TAB1: variants seen among roughly 807,000 people sequenced by gnomAD.
TAB1 encodes the protein TGF-beta activated kinase 1 (MAP3K7) binding protein 1, also known as TGF-beta-activated kinase 1 and MAP3K7-binding protein 1.
A neutral mutation model predicts 54.5 loss-of-function variants in TAB1; 30 were observed. The ratio of observed to expected loss-of-function variants is 0.55; its 90% CI spans 0.41 to 0.75. The LOEUF (loss-of-function observed/expected upper bound fraction) is 0.75. TAB1 is among the 30% of genes least tolerant of loss of function. The pLI, the probability that TAB1 is intolerant of heterozygous loss-of-function variation, is 0.00. For missense variants in TAB1, 609 were observed against 683.2 expected (o/e 0.89, Z 1.21); for synonymous variants, 289 against 286.9 (o/e 1.01, Z -0.07).
chr22:39,436,630 C>T (rs777939767), downstream of TAB1: 9 of 1,378,570 alleles, frequency 6.5e-6, no homozygotes, highest in South Asian at 2.3e-5. Context: ...GGGGTTTTGT[C>T]GCCTGGTCTG....
At chr22:39,425,779 C>T (rs1927303027) in intron 8 of TAB1, among the ~76,000 whole-genome samples, 1 of 151,614 alleles carries the variant, frequency 6.6e-6, no homozygotes, top group Non-Finnish European at 1.5e-5. Context: ...ATCTCCTGAC[C>T]TCATGATCGG....
At position 39,426,784 on chromosome 22, in the gene TAB1, A is replaced by G; in HGVS notation, c.1003A>G (p.Lys335Glu). 6.2e-7 allele frequency: 1 copy of G among 1,614,094 alleles called. No individual in the cohort carries two copies. The highest frequency in any genetic ancestry group is 1.7e-5 in the Admixed American group (1 of 60,036). Residue 335 changes from lysine (K) to glutamate (E), a missense_variant, in exon 9 of 11, where the codon AAG (lysine) becomes GAG (glutamate). Transcript: ENST00000216160. ...AVAQAVVDRVKRIHSDTFASG... is the reference protein window; with the variant it reads ...AVAQAVVDRVERIHSDTFASG... ...GGCCCAGGCCGTCGTGGACCGGGTGAAGCGCATCCACAGCGACACCTTCGC... is the reference window on the plus strand; with the variant it reads ...GGCCCAGGCCGTCGTGGACCGGGTGGAGCGCATCCACAGCGACACCTTCGC...
At chr22:39,425,731 A>G (rs1482388705) in intron 8 of TAB1, among the ~76,000 whole-genome samples, 1 of 150,802 alleles carries the variant, frequency 6.6e-6, no homozygotes, top group Admixed American at 6.6e-5. Context: ...TATTTTTAGT[A>G]GAGATGGGGT....
intron 8 of TAB1, among the ~76,000 whole-genome samples, chr22:39,426,134 CA>C (rs1927324522): frequency 6.6e-6 from 1 of 152,234 alleles, no homozygotes; most frequent in South Asian, 2.1e-4. Flanking sequence ...GCTGGGATTA[CA>C]GGCGCAAGCC....
At chr22:39,434,371 G>A (rs935963273), downstream of TAB1, among the ~76,000 whole-genome samples, 5 of 152,276 alleles carry the variant, frequency 3.3e-5, no homozygotes, top group African/African-American at 7.2e-5. Context: ...GGCAGCGGGC[G>A]TGGTTCTGGC....
intron 6 of TAB1, 145 bp downstream of exon 6, chr22:39,418,990 G>A: frequency 1.5e-6 from 1 of 664,590 alleles, no homozygotes; most frequent in South Asian, 1.7e-5. Context: ...TCCCAGCACT[G>A]CCGCTTACTG....
At chr22:39,433,710 G>A, downstream of TAB1, 2 of 985,454 alleles carry the variant, frequency 2.0e-6, no homozygotes, top group African/African-American at 3.5e-5. Context: ...GTGTCGGGAT[G>A]TTCCTGCCAG....
chr22:39,415,536 C>T lies in TAB1; in HGVS notation c.207C>T (p.Asn69=), dbSNP rs199747453. 1.2e-4 allele frequency: 188 copies of T among 1,614,206 alleles called. No individual in the cohort carries two copies. The highest frequency in any genetic ancestry group is 6.8e-4 in the South Asian group (62 of 91,082). ...ENNCFLYGVF[N]GYDGNRVTNF... Reference sequence around the variant, plus strand: ...ACTGCTTCCTGTATGGGGTCTTCAACGGCTATGATGGCAACCGAGTGACCA... The same window carrying T: ...ACTGCTTCCTGTATGGGGTCTTCAATGGCTATGATGGCAACCGAGTGACCA... The change falls in exon 3 of 11, where the codon AAC becomes AAT. Residue 69 remains asparagine (N), a synonymous_variant. Coordinates refer to ENST00000216160, the MANE Select transcript of TAB1 (RefSeq NM_006116.3). This position sits in a 1 kb window ranked among gnomAD's most constrained non-coding sequence, Gnocchi z 4.9.
Position 39,416,821 on chromosome 22 carries a change from GA to G in TAB1, c.356del (p.Glu119GlyfsTer40). On this transcript the variant is annotated frameshift_variant, in exon 4 of 11. Transcript: ENST00000216160. LOFTEE classifies it high-confidence loss of function. ...AFDVVERSFLESIDDALAEKA... is the reference protein window; with the variant it reads ...AFDVVERSFLXSIDDALAEKA... ...CGATGTGGTGGAGAGGAGCTTCCTG[GA>G]GTCCATTGACGACGCCTTGGCTGAG... 6.8e-6 allele frequency: 11 copies of G among 1,614,232 alleles called. No homozygotes were observed. Among genetic ancestry groups the G allele is most frequent in the Non-Finnish European group, 9.3e-6 (11 of 1,180,044 alleles).
At chr22:39,436,375 A>C, downstream of TAB1, 1 of 773,470 alleles carries the variant, frequency 1.3e-6, no homozygotes. Flanking sequence ...CCTGGCAAAG[A>C]GTTGGTATCC....
intron 1 of TAB1, among the ~76,000 whole-genome samples, chr22:39,407,988 G>A (rs1331621257): frequency 6.6e-6 from 1 of 152,210 alleles, no homozygotes; most frequent in Non-Finnish European, 1.5e-5. Context: ...GAAGTATACA[G>A]AGTAGCATGT....
intron 1 of TAB1, among the ~76,000 whole-genome samples, chr22:39,407,528 G>A (rs1367605798): frequency 6.6e-6 from 1 of 151,440 alleles, no homozygotes; most frequent in Non-Finnish European, 1.5e-5. Context: ...CTGTCTCCCA[G>A]GCTGGAGTGC....
intron 8 of TAB1, among the ~76,000 whole-genome samples, chr22:39,422,690 C>T (rs1005853563): frequency 2.6e-5 from 4 of 152,140 alleles, no homozygotes; most frequent in African/African-American, 9.7e-5. Context: ...AGCCACCGCG[C>T]CCGGCAGTTC....
At position 39,413,778 on chromosome 22, in the gene TAB1, G is replaced by A. The variant is rs541483773; in HGVS notation, c.34-1228G>A. On this transcript the variant is annotated intron_variant, in intron 1 of 10. Transcript: ENST00000216160. ...AACTGTGGTTCTCCCAGTTATTCCA[G>A]TTTGCTGTAGTTCTGCATGGTGGTT... 9.1e-4 allele frequency among the ~76,000 whole-genome samples: 138 copies of A among 152,330 alleles called. 3 individuals are homozygous for A. In the South Asian group the frequency reaches 0.028, roughly 31 times the overall value.
chr22:39,429,315 G>T, intron 10 of TAB1: 1 of 985,406 alleles, frequency 1.0e-6, no homozygotes. Context: ...CTGCTGAGTA[G>T]GTCCTGGGTT....
chr22:39,405,550 T>A (rs779144170), intron 1 of TAB1, among the ~76,000 whole-genome samples: 9 of 152,134 alleles, frequency 5.9e-5, no homozygotes, highest in Non-Finnish European at 1.3e-4. Context: ...CCAGCGCCGC[T>A]CACGGCTGGT....
At chr22:39,426,312 A>G (rs976063909) in intron 8 of TAB1, among the ~76,000 whole-genome samples, 24 of 152,220 alleles carry the variant, frequency 1.6e-4, no homozygotes, top group Admixed American at 8.5e-4. Context: ...TAGCATGTAT[A>G]ACATCGCCTA....
At chr22:39,402,633 ACCT>A (rs1466564419) in intron 1 of TAB1, among the ~76,000 whole-genome samples, 17 of 151,024 alleles carry the variant, frequency 1.1e-4, no homozygotes, top group Admixed American at 1.1e-3. Context: ...GCTCACTGCA[ACCT>A]CTGCTTCGTG....
chr22:39,428,172 C>G lies in TAB1; in HGVS notation c.1296C>G (p.Pro432=). The G allele has an allele frequency of 6.2e-7, 1 of 1,604,388 alleles. No individual in the cohort carries two copies. The highest frequency in any genetic ancestry group is 8.5e-7 in the Non-Finnish European group (1 of 1,173,276). ...HSASTLDEAT[P]TLTNQSPTLT... ...CTTCCACCCTGGACGAAGCCACCCC[C>G]ACCCTCACCAAGTAAGTCCCTTCCC... is the stretch of plus-strand genomic sequence containing the variant. The change falls in exon 10 of 11, where the codon CCC becomes CCG. Residue 432 remains proline (P), a synonymous_variant. Coordinates refer to ENST00000216160, the MANE Select transcript of TAB1 (RefSeq NM_006116.3).
Sources: gnomAD v4.1 joint callset for allele counts (sites outside exome capture counted in the v4.1 genomes callset) on GRCh38, gnomAD v4.1.1 for gene constraint, Gnocchi (gnomAD v3.1) non-coding constraint, MANE v1.5 for transcripts, NCBI Gene and HGNC (gene_info 2026-07-23, HGNC 2026-07-21) for gene names.